The following BSN variants were observed in gnomAD, a reference collection of about 807,000 sequenced individuals.
The protein encoded by BSN is bassoon presynaptic cytomatrix protein, also known as protein bassoon.
A neutral mutation model predicts 264.8 loss-of-function variants in BSN; 57 were observed. That is an observed-to-expected ratio of 0.22 (90% CI 0.17 to 0.27). The LOEUF (loss-of-function observed/expected upper bound fraction) is 0.27. Ranked by LOEUF, BSN falls within the 10% of genes least tolerant of loss-of-function variation. BSN has a pLI of 1.00. For synonymous variants in BSN, 2,059 were observed against 2,137.3 expected (o/e 0.96, Z 1.01); for missense variants, 4,615 against 5,232.5 (o/e 0.88, Z 3.64).
intron 3 of BSN, among the ~76,000 whole-genome samples, chr3:49,649,219 AGCCTTCCTGGGGGTGGCAAGG>A (rs1233617551): frequency 6.6e-6 from 1 of 152,226 alleles, no homozygotes; most frequent in Non-Finnish European, 1.5e-5. Context: ...TGAGGTTGTC[AGCCTTCCTGGGGGTGGCAAGG>A]GCCAAAGGTC....
Position 49,662,485 on chromosome 3 carries a change from G to T in BSN, c.10640G>T (p.Gly3547Val). The T allele has an allele frequency of 3.1e-6, 5 of 1,613,654 alleles. No homozygotes were observed. The highest frequency in any genetic ancestry group is 4.2e-6 in the Non-Finnish European group (5 of 1,179,996). The change falls in exon 6 of 12, where the codon GGA becomes GTA. Residue 3547 changes from glycine to valine, a missense_variant. Gly to Val is a moderately radical substitution (Grantham distance 109, BLOSUM62 -3). This residue lies in a region of BSN where 3,415 missense variants were observed against 3,866.4 expected (regional missense o/e 0.88). Transcript: ENST00000296452. Reference protein sequence around the residue: ...MPDVQEHVKDGPRAHAYKREE... With the variant: ...MPDVQEHVKDVPRAHAYKREE... ...GATGTCCAGGAACATGTCAAGGACG[G>T]ACCTCGGGCCCACGCATATAAGCGT...
chr3:49,643,353 A>C (rs1431881294), intron 3 of BSN, among the ~76,000 whole-genome samples: 1 of 152,194 alleles, frequency 6.6e-6, no homozygotes, highest in African/African-American at 2.4e-5. Flanking sequence ...ACTTTCACTC[A>C]GAGTTGGGGG....
Position 49,654,635 on chromosome 3 carries a change from G to C in BSN, c.5079G>C (p.Ala1693=), listed in dbSNP as rs765841525. The change falls in exon 5 of 12, where the codon GCG becomes GCC. Residue 1693 remains alanine (A), a synonymous_variant. Transcript: ENST00000296452. The surrounding 1 kb of genome is among the most constrained non-coding windows in gnomAD (Gnocchi z 4.1). ...ACCTCACCTCTCTTGCTGTGGAAGC[G>C]AGGAAGTATGGTCTTGCCCTGGATC... ...GMDLTSLAVE[A]RKYGLALDPI... is the part of the protein sequence containing the mutation. 6.2e-7 allele frequency: 1 copy of C among 1,613,854 alleles called. No homozygotes were observed. The highest frequency in any genetic ancestry group is 1.3e-5 in the African/African-American group (1 of 74,928).
chr3:49,554,837 G>A lies in BSN; in HGVS notation c.224+11G>A. On this transcript the variant is annotated intron_variant, in intron 1 of 11. Transcript: ENST00000296452. ...CCCTGGCCCGGGCAGGTAAGCGCGTGTCTCGGCGCCCGGGGGGCGGTGAGC... is the reference window on the plus strand; with the variant it reads ...CCCTGGCCCGGGCAGGTAAGCGCGTATCTCGGCGCCCGGGGGGCGGTGAGC... The A allele has an allele frequency of 8.2e-7, 1 of 1,216,922 alleles. No individual in the cohort carries two copies. Among genetic ancestry groups the A allele is most frequent in the Non-Finnish European group, 1.0e-6 (1 of 977,218 alleles). 75.4% of individuals were successfully genotyped at this position (1,216,922 alleles called of 1,614,324 possible).
intron 1 of BSN, among the ~76,000 whole-genome samples, chr3:49,589,019 A>G (rs1018331713): frequency 6.7e-6 from 1 of 149,216 alleles, no homozygotes; most frequent in Admixed American, 6.7e-5. Flanking sequence ...CGTTTACGCC[A>G]TTCTCCTGCC....
rs750415744 is a variant in BSN, at chr3:49,651,534, C to G, written c.1987-9C>G. 1 of 1,545,394 alleles carries G rather than the reference C, an allele frequency of 6.5e-7. No individual in the cohort carries two copies. Among genetic ancestry groups the G allele is most frequent in the South Asian group, 1.3e-5 (1 of 79,008 alleles). On this transcript the variant is annotated splice_polypyrimidine_tract_variant and intron_variant, in intron 4 of 11. Transcript: ENST00000296452. This position sits in a 1 kb window ranked among gnomAD's most constrained non-coding sequence, Gnocchi z 5.4. ...GGGGAGTCAGTGTCTGCTTTTCACC[C>G]TGCTGCAGGACCTGGTGGGCAAGCC...
chr3:49,558,825 T>C (rs1431641844), intron 1 of BSN, among the ~76,000 whole-genome samples: 1 of 152,214 alleles, frequency 6.6e-6, no homozygotes, highest in East Asian at 1.9e-4. Flanking sequence ...CTTTTGATAA[T>C]ACAGTTGCTC....
intron 1 of BSN, among the ~76,000 whole-genome samples, chr3:49,566,903 A>T (rs1272466368): frequency 1.3e-5 from 2 of 150,536 alleles, no homozygotes; most frequent in Non-Finnish European, 2.9e-5. Context: ...TTCACTAATG[A>T]TCCTTAGCTA....
At chr3:49,563,688 T>G (rs1353942589) in intron 1 of BSN, among the ~76,000 whole-genome samples, 2 of 152,220 alleles carry the variant, frequency 1.3e-5, no homozygotes, top group Non-Finnish European at 2.9e-5. Context: ...TGGTTTGGCT[T>G]CAGTAGGTTA....
At chr3:49,646,501 AGG>A (rs2052504250) in intron 3 of BSN, among the ~76,000 whole-genome samples, 1 of 152,240 alleles carries the variant, frequency 6.6e-6, no homozygotes, top group Non-Finnish European at 1.5e-5. Flanking sequence ...GGGTTGCAGC[AGG>A]GGCATCAGGC....
At chr3:49,594,003 C>T (rs1477880788) in intron 1 of BSN, among the ~76,000 whole-genome samples, 8 of 151,818 alleles carry the variant, frequency 5.3e-5, no homozygotes, top group Middle Eastern at 3.2e-3. Context: ...AGGGTTTCAC[C>T]GTGTTAGCCA....
chr3:49,664,777 C>T (rs762544051), intron 9 of BSN, 22 bp from the exon 10 acceptor site: 2 of 1,613,734 alleles, frequency 1.2e-6, no homozygotes, highest in African/African-American at 2.7e-5. Flanking sequence ...CCTGATGGCT[C>T]TCTCCTCTTT....
intron 5 of BSN, 127 bp downstream of exon 5, chr3:49,658,323 G>A (rs1317928056): frequency 8.5e-7 from 1 of 1,171,668 alleles, no homozygotes; most frequent in Non-Finnish European, 1.1e-6. Flanking sequence ...CCAGGGGAAA[G>A]AGTCAATGAG....
chr3:49,650,494 G>A, intron 3 of BSN, 118 bp from the exon 4 acceptor site: 1 of 953,792 alleles, frequency 1.0e-6, no homozygotes, highest in East Asian at 2.5e-5. Context: ...TATGTCTTTG[G>A]TGTTATGCTT....
At chr3:49,611,277 G>A (rs1559604940) in intron 1 of BSN, among the ~76,000 whole-genome samples, 2 of 152,354 alleles carry the variant, frequency 1.3e-5, no homozygotes, top group African/African-American at 4.8e-5. Flanking sequence ...AGTAGGATTT[G>A]CAGTAGCTGG....
rs146939815 is a variant in BSN at position 49,657,752 on chromosome 3, G to T, written c.8196G>T (p.Pro2732=). ...GGCAGGCCCAGGGTGTAGCCGGGCC[G>T]CAGCTTGTAGGGCCAACTGCCATCA... is the stretch of plus-strand genomic sequence containing the variant. The part of the protein sequence containing the change: ...PDGQAQGVAG[P]QLVGPTAISP... Residue 2732 remains proline, a synonymous_variant, in exon 5 of 12, where the codon CCG becomes CCT. Coordinates refer to ENST00000296452, the MANE Select transcript of BSN (RefSeq NM_003458.4). 6.5e-7 allele frequency: 1 copy of T among 1,548,360 alleles called. No homozygotes were observed. Among genetic ancestry groups the T allele is most frequent in the Admixed American group, 1.9e-5 (1 of 53,190 alleles).
In BSN at chr3:49,624,897, T is replaced by G. The variant is rs970093440; in HGVS notation, c.225-78T>G. ...AGGGTGGTGATGGGGCTTGGCAGGG[T>G]CACCTAGCTTGGTAGAGACCTCCGC... is the stretch of plus-strand genomic sequence containing the variant. On this transcript the variant is annotated intron_variant, in intron 1 of 11. Transcript: ENST00000296452. 2.2e-4 allele frequency: 293 copies of G among 1,358,712 alleles called. No homozygotes were observed. In the Admixed American group the frequency reaches 2.7e-3, roughly 13 times the overall value. The allele number at this position is 1,358,712 out of a possible 1,614,324, so 84.2% of individuals were successfully genotyped here. A position where few individuals can be genotyped will look rare whatever the true frequency, so the allele number is the denominator to read the frequency against.
At chr3:49,555,767 G>C (rs879922691) in intron 1 of BSN, among the ~76,000 whole-genome samples, 4 of 152,206 alleles carry the variant, frequency 2.6e-5, no homozygotes, top group Non-Finnish European at 5.9e-5. Flanking sequence ...AAATAGGCTT[G>C]GGGAGTAGCA....
chr3:49,576,951 G>A (rs777218266), intron 1 of BSN, among the ~76,000 whole-genome samples: 4 of 152,122 alleles, frequency 2.6e-5, no homozygotes, highest in Non-Finnish European at 4.4e-5. Flanking sequence ...GAAGGAGGGT[G>A]GTTCCCATCT....
Sources: gnomAD v4.1 joint callset for allele counts (sites outside exome capture counted in the v4.1 genomes callset) on GRCh38, gnomAD v4.1.1 for gene constraint, gnomAD v4.1.1 regional missense constraint, Gnocchi (gnomAD v3.1) non-coding constraint, MANE v1.5 for transcripts, NCBI Gene and HGNC (gene_info 2026-07-23, HGNC 2026-07-21) for gene names.